The following REC114 variants were observed in gnomAD, a reference collection of about 807,000 sequenced individuals.
REC114 encodes the protein REC114 meiotic recombination protein.
Under a neutral mutation model 31.3 loss-of-function variants are expected in REC114, and 27 were observed. The ratio of observed to expected loss-of-function variants is 0.86; its 90% confidence interval spans 0.64 to 1.19. The LOEUF (loss-of-function observed/expected upper bound fraction) is 1.19, where lower values mean the gene tolerates loss of function less well. Ranked by LOEUF, REC114 falls within the 50% of genes most tolerant of loss-of-function variation. The pLI, the probability that REC114 is intolerant of heterozygous loss-of-function variation, is 0.00. For synonymous variants in REC114, 134 were observed against 127.7 expected (o/e 1.05, Z -0.33); for missense variants, 344 against 326.9 (o/e 1.05, Z -0.40).
chr15:73,494,607 C>T (rs1893492570), intron 2 of REC114, among the ~76,000 whole-genome samples: 1 of 151,944 alleles, frequency 6.6e-6, no homozygotes, highest in Admixed American at 6.6e-5. Flanking sequence ...TACCTTTTCT[C>T]ACCATAGGAT....
In REC114 at chr15:73,552,339, CA is replaced by C. The variant is rs531422471; in HGVS notation, c.546+1190del. 2.4e-4 allele frequency among the ~76,000 whole-genome samples: 37 copies of C among 152,314 alleles called. 1 individual carries two copies. In the South Asian group the frequency reaches 7.7e-3, roughly 32 times the overall value. ...GCACATTACAGCAAACTGAATGCAG[CA>C]GCAAATATAAGAATCTAGTCACCTT... On this transcript the variant is annotated intron_variant, in intron 4 of 5. Transcript: ENST00000331090.
At chr15:73,544,097 C>T (rs1157874880) in intron 3 of REC114, among the ~76,000 whole-genome samples, 3 of 152,088 alleles carry the variant, frequency 2.0e-5, no homozygotes, top group Admixed American at 2.0e-4. Context: ...AGGAGTGTGC[C>T]ACCATGCCTA....
intron 1 of REC114, among the ~76,000 whole-genome samples, chr15:73,458,614 T>C (rs780190972): frequency 6.6e-6 from 1 of 152,242 alleles, no homozygotes; most frequent in Non-Finnish European, 1.5e-5. Context: ...TGATAGGTAC[T>C]GAGGCTCCTT....
At chr15:73,450,745 T>G (rs536193314) in intron 1 of REC114, among the ~76,000 whole-genome samples, 55 of 152,172 alleles carry the variant, frequency 3.6e-4, no homozygotes, top group African/African-American at 1.3e-3. Context: ...GTAAAACACT[T>G]CTTAGCGAAT....
chr15:73,487,879 T>G (rs1893393492), intron 2 of REC114, among the ~76,000 whole-genome samples: 1 of 152,074 alleles, frequency 6.6e-6, no homozygotes, highest in East Asian at 1.9e-4. Context: ...TATTTTTTTT[T>G]GCCTGGGCCC....
intron 2 of REC114, among the ~76,000 whole-genome samples, chr15:73,493,929 GAAAC>G (rs1893480798): frequency 6.6e-6 from 1 of 152,178 alleles, no homozygotes; most frequent in Non-Finnish European, 1.5e-5. Flanking sequence ...TAGTAGTGGT[GAAAC>G]AGATTCCAGA....
intron 2 of REC114, among the ~76,000 whole-genome samples, chr15:73,499,957 A>G (rs1355747101): frequency 6.6e-6 from 1 of 152,216 alleles, no homozygotes; most frequent in Non-Finnish European, 1.5e-5. Context: ...ACACAGAAGT[A>G]GAGAGAATAA....
At chr15:73,522,608 T>A (rs1165317576) in intron 2 of REC114, among the ~76,000 whole-genome samples, 1 of 152,234 alleles carries the variant, frequency 6.6e-6, no homozygotes, top group Non-Finnish European at 1.5e-5. Context: ...GTTGTTTGTA[T>A]CTGTAGTTCA....
intron 2 of REC114, among the ~76,000 whole-genome samples, chr15:73,498,060 C>T (rs1893552214): frequency 6.6e-6 from 1 of 152,100 alleles, no homozygotes; most frequent in Non-Finnish European, 1.5e-5. Context: ...TTTTCCTGAA[C>T]CTCAAGCTAT....
intron 2 of REC114, among the ~76,000 whole-genome samples, chr15:73,503,834 C>T (rs967778164): frequency 1.3e-5 from 2 of 151,960 alleles, no homozygotes; most frequent in African/African-American, 4.8e-5. Flanking sequence ...GAATACCAGT[C>T]CTTTGCCAAT....
intron 3 of REC114, among the ~76,000 whole-genome samples, chr15:73,543,580 C>T (rs1213367760): frequency 2.0e-5 from 3 of 152,102 alleles, no homozygotes; most frequent in Non-Finnish European, 2.9e-5. Context: ...CTGCCCGCCT[C>T]GGCCTCCCAA....
chr15:73,457,065 C>CTTTTTTTTTTTTTTTTTTTTTTTTTGT (rs934090597), intron 1 of REC114, among the ~76,000 whole-genome samples: 1 of 68,002 alleles, frequency 1.5e-5, no homozygotes, highest in Non-Finnish European at 3.1e-5. Context: ...TATTTCTGAG[C>CTTTTTTTTTTTTTTTTTTTTTTTTTGT]TTTTTTTTTT....
intron 2 of REC114, among the ~76,000 whole-genome samples, chr15:73,515,995 T>C (rs566219906): frequency 2.0e-5 from 3 of 152,156 alleles, no homozygotes; most frequent in African/African-American, 7.2e-5. Flanking sequence ...TTTTCTTTTT[T>C]TTTTTTTGGA....
At position 73,504,269 on chromosome 15, in the gene REC114, C is replaced by T. The variant is rs1324779439; in HGVS notation, c.249+30348C>T. ...TCGCCCTCCTCAGCCTCCCAAAGTG[C>T]TGGGATTACAGGCGTGAGCCACTGC... On this transcript the variant is annotated intron_variant, in intron 2 of 5. Transcript: ENST00000331090. 1.3e-5 allele frequency among the ~76,000 whole-genome samples: 2 copies of T among 152,080 alleles called. 1 individual carries two copies. Among genetic ancestry groups the T allele is most frequent in the Non-Finnish European group, 2.9e-5 (2 of 68,012 alleles).
At chr15:73,474,212 T>TAAC (rs1893178066) in intron 2 of REC114, among the ~76,000 whole-genome samples, 1 of 152,172 alleles carries the variant, frequency 6.6e-6, no homozygotes, top group Admixed American at 6.6e-5. Context: ...ATAGGCTTGT[T>TAAC]AACAAAGACA....
intron 2 of REC114, among the ~76,000 whole-genome samples, chr15:73,491,562 G>T (rs895933291): frequency 6.6e-6 from 1 of 152,144 alleles, no homozygotes; most frequent in African/African-American, 2.4e-5. Flanking sequence ...GTCTTTATAA[G>T]AAAGAAGTAA....
At chr15:73,492,327 T>A (rs1567869529) in intron 2 of REC114, among the ~76,000 whole-genome samples, 1 of 152,224 alleles carries the variant, frequency 6.6e-6, no homozygotes, top group Non-Finnish European at 1.5e-5. Context: ...ATTATATTTA[T>A]GGGACTTGTG....
intron 3 of REC114, among the ~76,000 whole-genome samples, chr15:73,541,706 A>T (rs1894238962): frequency 6.6e-6 from 1 of 152,224 alleles, no homozygotes; most frequent in Non-Finnish European, 1.5e-5. Context: ...ACTAGCTATC[A>T]GAGAACCAGG....
At chr15:73,461,005 AG>A (rs946780265) in intron 1 of REC114, among the ~76,000 whole-genome samples, 7 of 152,268 alleles carry the variant, frequency 4.6e-5, no homozygotes, top group African/African-American at 1.4e-4. Context: ...CAATAATCTT[AG>A]GGATATGTGG....
Sources: allele counts gnomAD v4.1 joint callset (sites outside exome capture counted in the v4.1 genomes callset), GRCh38; gene constraint gnomAD v4.1.1; transcripts MANE v1.5; gene names NCBI Gene and HGNC (gene_info 2026-07-23, HGNC 2026-07-21).